Variants in DMBX1 observed in about 807,000 individuals in gnomAD.
The protein encoded by DMBX1 is diencephalon/mesencephalon homeobox protein 1.
A neutral mutation model predicts 30.4 loss-of-function variants in DMBX1; 7 were observed. The observed-to-expected ratio is 0.23, with a 90% confidence interval of 0.13 to 0.43. DMBX1 has a LOEUF of 0.43. DMBX1 is among the 20% of genes least tolerant of loss of function. The probability of loss-of-function intolerance (pLI) is 1.00; values close to 1 mark genes in which losing one functional copy is unlikely to be tolerated. For missense variants in DMBX1, 460 were observed against 508.5 expected (o/e 0.90, Z 0.92); for synonymous variants, 222 against 214.2 (o/e 1.04, Z -0.32).
chr1:46,502,369 T>TTTC (rs33958842), intron 2 of DMBX1, among the ~76,000 whole-genome samples: 1 of 150,858 alleles, frequency 6.6e-6, no homozygotes, highest in Admixed American at 6.6e-5. Flanking sequence ...CTTTTTTTTT[T>TTTC]CCCCTCTTTT....
intron 2 of DMBX1, among the ~76,000 whole-genome samples, chr1:46,500,265 C>A (rs1666098533): frequency 6.6e-6 from 1 of 152,096 alleles, no homozygotes. Context: ...AGAGAGGGAT[C>A]TCTCTGGCTT....
rs186803752 is a variant in DMBX1 at position 46,512,876 on chromosome 1, G to C, written c.*382G>C. 21 of 182,906 alleles carry C rather than the reference G, an allele frequency of 1.1e-4. No homozygotes were observed. The highest frequency in any genetic ancestry group is 4.7e-4 in the African/African-American group (20 of 42,750). The allele number at this position is 182,906 out of a possible 1,614,324, so 11.3% of individuals were successfully genotyped here. A position where few individuals can be genotyped will look rare whatever the true frequency, so the allele number is the denominator to read the frequency against. ...TGAGATATAAATATAAATATATAAA[G>C]CTATATTTTCAGGCTCCTGCCTGCC... On this transcript the variant is annotated 3_prime_UTR_variant, in exon 6 of 6. Coordinates refer to ENST00000360032, the MANE Select transcript of DMBX1 (RefSeq NM_172225.2). This position sits in a 1 kb window ranked among gnomAD's most constrained non-coding sequence, Gnocchi z 4.8.
chr1:46,499,275 G>A (rs1428275668), intron 2 of DMBX1, among the ~76,000 whole-genome samples: 1 of 152,156 alleles, frequency 6.6e-6, no homozygotes, highest in African/African-American at 2.4e-5. Context: ...GAGCTCAGGT[G>A]ATCTGCCCAC....
In DMBX1 at chr1:46,493,195, A is replaced by G. The variant is rs145663305; in HGVS notation, c.-13+2412A>G. 2.4e-3 allele frequency among the ~76,000 whole-genome samples: 362 copies of G among 152,226 alleles called. 1 individual carries two copies. The highest frequency in any genetic ancestry group is 8.5e-3 in the African/African-American group (354 of 41,534). On this transcript the variant is annotated intron_variant, in intron 2 of 5. Transcript: ENST00000360032. The surrounding 1 kb of genome is among the most constrained non-coding windows in gnomAD (Gnocchi z 4.1). ...TCTAATCAAGGCCCCGGGCGACGCC[A>G]CTGCTGCCCGCCAAAGCCCATTACC...
Position 46,493,801 on chromosome 1 carries a change from G to A in DMBX1, c.-13+3018G>A, listed in dbSNP as rs1451865144. On this transcript the variant is annotated intron_variant, in intron 2 of 5. Coordinates refer to ENST00000360032, the MANE Select transcript of DMBX1 (RefSeq NM_172225.2). This position sits in a 1 kb window ranked among gnomAD's most constrained non-coding sequence, Gnocchi z 4.1. ...TGTGCAGAGCAGGAGCCGCAACCGCGCTTTCTGCGCCCGCAGGACAGACCC... is the reference window on the plus strand; with the variant it reads ...TGTGCAGAGCAGGAGCCGCAACCGCACTTTCTGCGCCCGCAGGACAGACCC... 6.6e-6 allele frequency among the ~76,000 whole-genome samples: 1 copy of A among 152,248 alleles called. No individual in the cohort carries two copies. Among genetic ancestry groups the A allele is most frequent in the Non-Finnish European group, 1.5e-5 (1 of 68,044 alleles).
At chr1:46,501,172 TTC>T (rs1666117786) in intron 2 of DMBX1, among the ~76,000 whole-genome samples, 1 of 145,276 alleles carries the variant, frequency 6.9e-6, no homozygotes, top group Non-Finnish European at 1.5e-5. Flanking sequence ...CTCTGTCTCT[TTC>T]TTTCTGTTTC....
intron 2 of DMBX1, among the ~76,000 whole-genome samples, chr1:46,506,061 T>TAA (rs386353936): frequency 0.012 from 1,802 of 152,010 alleles, 26 homozygotes; most frequent in African/African-American, 0.04. Context: ...TTTCTTTTTT[T>TAA]TATTTTTATT....
Position 46,510,398 on chromosome 1 carries a change from G to A in DMBX1, c.155-78G>A. The A allele has an allele frequency of 2.6e-6, 4 of 1,521,940 alleles. No individual in the cohort carries two copies. The highest frequency in any genetic ancestry group is 2.6e-6 in the Non-Finnish European group (3 of 1,134,918). 94.3% of individuals were successfully genotyped at this position (1,521,940 alleles called of 1,614,324 possible). On this transcript the variant is annotated intron_variant, in intron 3 of 5. Transcript: ENST00000360032. The surrounding 1 kb of genome is among the most constrained non-coding windows in gnomAD (Gnocchi z 4.1). The stretch of plus-strand genomic sequence containing the variant: ...GCCTGGGTGTCCACAGTGGGTCAGA[G>A]CAGGATAAGATTCAAAGCTATTTCC...
chr1:46,497,920 G>T (rs1000164464), intron 2 of DMBX1, among the ~76,000 whole-genome samples: 3 of 152,226 alleles, frequency 2.0e-5, no homozygotes, highest in African/African-American at 7.2e-5. Flanking sequence ...CTCCTGGCTC[G>T]CCAGGAATTG....
intron 3 of DMBX1, 81 bp downstream of exon 3, chr1:46,507,245 G>A: frequency 6.5e-7 from 1 of 1,549,804 alleles, no homozygotes; most frequent in Non-Finnish European, 8.7e-7. Context: ...AGAGGAGAGG[G>A]AGCACTGGCC....
In DMBX1 at chr1:46,510,668, C is replaced by A; in HGVS notation, c.333+14C>A. 1 of 1,611,000 alleles carries A rather than the reference C, an allele frequency of 6.2e-7. No individual in the cohort carries two copies. Among genetic ancestry groups the A allele is most frequent in the Middle Eastern group, 1.8e-4 (1 of 5,634 alleles). On this transcript the variant is annotated intron_variant, in intron 4 of 5. Transcript: ENST00000360032. This position sits in a 1 kb window ranked among gnomAD's most constrained non-coding sequence, Gnocchi z 4.1. ...GCCCGGGTGCAGGTAGGGCCCAACT[C>A]TCCTAACTAGGCCTTGCAGACAAAC...
rs1666355703 is a variant in DMBX1 at position 46,511,006 on chromosome 1, G to A, written c.405G>A (p.Lys135=). 1 of 1,613,920 alleles carries A rather than the reference G, an allele frequency of 6.2e-7. No individual in the cohort carries two copies. The highest frequency in any genetic ancestry group is 1.1e-5 in the South Asian group (1 of 91,072). ...GCCTGCAGAAGGAACAGCTCCAGAA[G>A]CAGAAGGAGGCTGAGGGCTCCCATG... is the stretch of plus-strand genomic sequence containing the variant. ...QRSLQKEQLQ[K]QKEAEGSHGE... is the part of the protein sequence containing the mutation. The change falls in exon 5 of 6, where the codon AAG becomes AAA. Residue 135 remains lysine (K), a synonymous_variant. Coordinates refer to ENST00000360032, the MANE Select transcript of DMBX1 (RefSeq NM_172225.2).
chr1:46,490,829 T>C (rs992909860), intron 2 of DMBX1, among the ~76,000 whole-genome samples, 46 bp downstream of exon 2: 4 of 152,222 alleles, frequency 2.6e-5, no homozygotes, highest in African/African-American at 9.6e-5. Context: ...GAATTCGTTT[T>C]GCCTCCCGCG....
At chr1:46,511,855 TG>T (rs1219151173) in intron 5 of DMBX1, among the ~76,000 whole-genome samples, 187 bp from the exon 6 acceptor site, 1 of 152,188 alleles carries the variant, frequency 6.6e-6, no homozygotes, top group Non-Finnish European at 1.5e-5. Context: ...CCAAGAAGCC[TG>T]GGTCCCTTTC....
In DMBX1 at chr1:46,513,372, C is replaced by G. The variant is rs1477567566; in HGVS notation, c.*878C>G. The G allele has an allele frequency of 6.6e-6, 1 of 152,216 alleles. No individual in the cohort carries two copies. Among genetic ancestry groups the G allele is most frequent in the East Asian group, 1.9e-4 (1 of 5,200 alleles). The allele number at this position is 152,216 out of a possible 1,614,324, so 9.4% of individuals were successfully genotyped here. On this transcript the variant is annotated 3_prime_UTR_variant, in exon 6 of 6. Transcript: ENST00000360032. ...CTGGAGCTGCAGGCAGGAGGTGGCA[C>G]TGGCTCCCACTCCCACCCCTGCCCA...
At chr1:46,494,392 C>T (rs1466459800) in intron 2 of DMBX1, among the ~76,000 whole-genome samples, 1 of 152,238 alleles carries the variant, frequency 6.6e-6, no homozygotes, top group Non-Finnish European at 1.5e-5. Flanking sequence ...GGACTGTAGG[C>T]GGAGGGGCCT....
At chr1:46,501,232 TTC>T (rs1666125327) in intron 2 of DMBX1, among the ~76,000 whole-genome samples, 1 of 123,610 alleles carries the variant, frequency 8.1e-6, no homozygotes, top group Non-Finnish European at 1.7e-5. Flanking sequence ...CTTTCTTTCT[TTC>T]TTTCTTTCTT....
chr1:46,498,278 C>G (rs552137342), intron 2 of DMBX1, among the ~76,000 whole-genome samples: 1 of 152,180 alleles, frequency 6.6e-6, no homozygotes, highest in African/African-American at 2.4e-5. Context: ...CATTTCCTCC[C>G]GTGGACCATC....
Position 46,510,375 on chromosome 1 carries a change from C to G in DMBX1, c.155-101C>G, listed in dbSNP as rs570990313. ...GACCAGGGCCAGCTCTGGCAGCAGC[C>G]TGGGTGTCCACAGTGGGTCAGAGCA... On this transcript the variant is annotated intron_variant, in intron 3 of 5. Transcript: ENST00000360032. The surrounding 1 kb of genome is among the most constrained non-coding windows in gnomAD (Gnocchi z 4.1). 2.5e-5 allele frequency: 36 copies of G among 1,417,772 alleles called. No individual in the cohort carries two copies. In the South Asian group the frequency reaches 5.0e-4, roughly 20 times the overall value. The allele number at this position is 1,417,772 out of a possible 1,614,324, so 87.8% of individuals were successfully genotyped here. A position where few individuals can be genotyped will look rare whatever the true frequency, so the allele number is the denominator to read the frequency against.
Sources: allele counts gnomAD v4.1 joint callset (sites outside exome capture counted in the v4.1 genomes callset), GRCh38; gene constraint gnomAD v4.1.1; non-coding constraint Gnocchi (gnomAD v3.1); transcripts MANE v1.5; gene names NCBI Gene and HGNC (gene_info 2026-07-23, HGNC 2026-07-21).